The following SYN1 variants were observed in gnomAD, a reference collection of about 807,000 sequenced individuals.
SYN1 encodes synapsin I.
In SYN1, 8 loss-of-function variants were observed where a neutral mutation model predicts 44.6. The observed-to-expected ratio is 0.18, with a 90% CI of 0.11 to 0.32. The LOEUF is 0.32. Ranked by LOEUF, SYN1 falls within the 10% of genes least tolerant of loss-of-function variation. SYN1 has a pLI of 1.00. For synonymous variants in SYN1, 275 were observed against 280.1 expected, an observed-to-expected ratio of 0.98 and a Z score of 0.18; for missense variants, 451 against 639.4, an observed-to-expected ratio of 0.71 and a Z score of 3.18.
intron 1 of SYN1, among the ~76,000 whole-genome samples, chrX:47,607,735 A>AAAC (rs1569331138): frequency 9.3e-6 from 1 of 107,650 alleles, no homozygotes; most frequent in African/African-American, 3.4e-5. Context: ...TTGAAAAAAA[A>AAAC]AAAAAAAAAA....
chrX:47,592,999 C>T (rs1302588293), intron 5 of SYN1, among the ~76,000 whole-genome samples: 2 of 110,014 alleles, frequency 1.8e-5, no homozygotes, highest in Non-Finnish European at 3.8e-5. Context: ...CTCAGCCTCC[C>T]GAGTAGCTGG....
At chrX:47,598,236 G>A (rs1220151275) in intron 5 of SYN1, among the ~76,000 whole-genome samples, 1 of 112,347 alleles carries the variant, frequency 8.9e-6, no homozygotes, top group Non-Finnish European at 1.9e-5. Flanking sequence ...GGCACACAAT[G>A]TGTAAAGATG....
Position 47,572,668 on chromosome X carries a change from C to T in SYN1, c.*196G>A, listed in dbSNP as rs975341422. The T allele has an allele frequency of 1.2e-5, 6 of 513,947 alleles. No individual in the cohort carries two copies. The highest frequency in any genetic ancestry group is 6.0e-4 in the Middle Eastern group (1 of 1,672). 42.4% of individuals were successfully genotyped at this position (513,947 alleles called of 1,213,427 possible). ...GGGTTCTAAAAGGACTTGGGGATTCCACATGTGAGAACCGGATTTAGGGCC... is the reference window on the plus strand; with the variant it reads ...GGGTTCTAAAAGGACTTGGGGATTCTACATGTGAGAACCGGATTTAGGGCC... On this transcript the variant is annotated 3_prime_UTR_variant, in exon 13 of 13. Transcript: ENST00000295987.
In SYN1 at chrX:47,574,196, G is replaced by A. The variant is rs866540188; in HGVS notation, c.1788C>T (p.Gly596=). ...QRQGPPQKPP[G]PAGPTRQASQ... ...TGGCCTGGCGTGTGGGGCCGGCTGG[G>A]CCTGGGGGTTTCTGGGGCGGGCCCT... Residue 596 remains glycine (G), a synonymous_variant, in exon 12 of 13, where the codon GGC becomes GGT. Transcript: ENST00000295987. 1.9e-6 allele frequency: 2 copies of A among 1,071,773 alleles called. No individual in the cohort carries two copies. Among genetic ancestry groups the A allele is most frequent in the Non-Finnish European group, 2.4e-6 (2 of 834,355 alleles). The allele number at this position is 1,071,773 out of a possible 1,213,427, so 88.3% of individuals were successfully genotyped here.
intron 5 of SYN1, among the ~76,000 whole-genome samples, chrX:47,591,176 G>C (rs190372890): frequency 2.7e-5 from 3 of 112,577 alleles, no homozygotes; most frequent in African/African-American, 9.7e-5. Context: ...TGGGCCATCA[G>C]GCTCTGCCTG....
Position 47,608,283 on chromosome X carries a change from G to GAAGA in SYN1, c.378-1086_378-1085insTCTT, listed in dbSNP as rs1569331348. Among the ~76,000 whole-genome samples the GAAGA allele has an allele frequency of 1.2e-3, 12 of 10,272 alleles. No homozygotes were observed. The East Asian group carries it at 0.068, about 58-fold the overall frequency. 8.9% of individuals were successfully genotyped at this position (10,272 alleles called of 115,157 possible). ...GGAAGGAAGGAAGGAAGGAAGGAAGGAAGGAAGGGGAAGGAAGGAAGGGGA... is the reference window on the plus strand; with the variant it reads ...GGAAGGAAGGAAGGAAGGAAGGAAGGAAGAAAGGAAGGGGAAGGAAGGAAGGGGA... On this transcript the variant is annotated intron_variant, in intron 1 of 12. Coordinates refer to ENST00000295987, the MANE Select transcript of SYN1 (RefSeq NM_006950.3).
intron 5 of SYN1, among the ~76,000 whole-genome samples, chrX:47,589,263 C>G (rs1456081403): frequency 9.9e-6 from 1 of 100,643 alleles, no homozygotes; most frequent in Non-Finnish European, 2.0e-5. Context: ...TGCCACTGCA[C>G]CCCAGGCTGG....
chrX:47,598,970 A>G (rs2057872138), intron 5 of SYN1, among the ~76,000 whole-genome samples: 2 of 111,174 alleles, frequency 1.8e-5, no homozygotes, highest in Admixed American at 1.9e-4. Flanking sequence ...GCAATGAGCC[A>G]TGTTCCTACC....
At chrX:47,617,296 G>A (rs1447145834) in intron 1 of SYN1, among the ~76,000 whole-genome samples, 2 of 110,814 alleles carry the variant, frequency 1.8e-5, no homozygotes, top group Non-Finnish European at 3.8e-5. Flanking sequence ...CTTGAGGCAG[G>A]GTCAGGGATT....
intron 5 of SYN1, among the ~76,000 whole-genome samples, chrX:47,580,201 T>A (rs373401663): frequency 7.0e-4 from 74 of 105,111 alleles, no homozygotes; most frequent in African/African-American, 2.3e-3. Context: ...TTTTTTTTTT[T>A]AAATAGAGAC....
chrX:47,613,020 C>G (rs923796181), intron 1 of SYN1, among the ~76,000 whole-genome samples: 3 of 108,958 alleles, frequency 2.8e-5, no homozygotes, highest in African/African-American at 1.0e-4. Context: ...GTAATCCCAG[C>G]TACTCGGGAG....
chrX:47,594,635 G>A (rs1376027198), intron 5 of SYN1, among the ~76,000 whole-genome samples: 3 of 111,730 alleles, frequency 2.7e-5, no homozygotes, highest in Non-Finnish European at 5.7e-5. Context: ...CTAAGGCTCT[G>A]AACAGACAGG....
At chrX:47,578,152 A>G (rs2057783999) in intron 5 of SYN1, among the ~76,000 whole-genome samples, 1 of 110,497 alleles carries the variant, frequency 9.1e-6, no homozygotes, top group African/African-American at 3.3e-5. Context: ...GGCAGCACAC[A>G]CTGGACACCC....
chrX:47,575,110 C>T lies in SYN1; in HGVS notation c.1305+18G>A, dbSNP rs756283206. On this transcript the variant is annotated intron_variant, in intron 10 of 12. Coordinates refer to ENST00000295987, the MANE Select transcript of SYN1 (RefSeq NM_006950.3). ...CCCACACTAGCTCAAGCCACTAGCTCAGCGCCAGGGGCCTGACCTGGCCAT... is the reference window on the plus strand; with the variant it reads ...CCCACACTAGCTCAAGCCACTAGCTTAGCGCCAGGGGCCTGACCTGGCCAT... 3.4e-6 allele frequency: 4 copies of T among 1,183,113 alleles called. No individual in the cohort carries two copies. In the African/African-American group the frequency reaches 5.3e-5, roughly 16 times the overall value.
intron 5 of SYN1, among the ~76,000 whole-genome samples, chrX:47,580,333 T>C (rs1446357100): frequency 3.7e-5 from 4 of 108,836 alleles, no homozygotes; most frequent in Non-Finnish European, 7.7e-5. Flanking sequence ...AAGTGCTTTC[T>C]TAAAAAATAG....
At chrX:47,604,000 C>G in intron 5 of SYN1, among the ~76,000 whole-genome samples, 2 of 106,289 alleles carry the variant, frequency 1.9e-5, no homozygotes, top group Admixed American at 2.0e-4. Flanking sequence ...CTCCGCCTCC[C>G]GGGTTCCAGC....
chrX:47,605,678 A>G (rs1245626090), intron 3 of SYN1, among the ~76,000 whole-genome samples: 1 of 110,703 alleles, frequency 9.0e-6, no homozygotes, highest in Non-Finnish European at 1.9e-5. Context: ...AGCTGTCTTC[A>G]GTGTTCTGCC....
Position 47,586,568 on chromosome X carries a change from T to A in SYN1, c.775-9067A>T, listed in dbSNP as rs764066211. On this transcript the variant is annotated intron_variant, in intron 5 of 12. Transcript: ENST00000295987. ...CCTGCAAACTGCAGAGTGGCACTCA[T>A]TGCTTGTGGACGGACCAGCTCCTCC... 9 of 1,210,618 alleles carry A rather than the reference T, an allele frequency of 7.4e-6. No homozygotes were observed. The East Asian group carries it at 2.4e-4, about 32-fold the overall frequency.
chrX:47,583,752 C>G (rs1327060295), intron 5 of SYN1, among the ~76,000 whole-genome samples: 1 of 112,066 alleles, frequency 8.9e-6, no homozygotes, highest in Non-Finnish European at 1.9e-5. Context: ...GGTACACTTT[C>G]CCCCCAGGTA....
Sources: gnomAD v4.1 joint callset for allele counts (sites outside exome capture counted in the v4.1 genomes callset) on GRCh38, gnomAD v4.1.1 for gene constraint, MANE v1.5 for transcripts, NCBI Gene and HGNC (gene_info 2026-07-23, HGNC 2026-07-21) for gene names.